KIF21A: variants seen among roughly 807,000 people sequenced by gnomAD.
The protein encoded by KIF21A is kinesin-like protein KIF21A.
KIF21A carries 114 observed loss-of-function variants against 202.9 expected under a neutral mutation model. The ratio of observed to expected loss-of-function variants is 0.56; its 90% CI spans 0.48 to 0.66. The LOEUF (loss-of-function observed/expected upper bound fraction) is 0.66, where lower values mean the gene tolerates loss of function less well. KIF21A is among the 30% of genes least tolerant of loss of function. The probability of loss-of-function intolerance (pLI) is 0.00; values close to 1 mark genes in which losing one functional copy is unlikely to be tolerated. For synonymous variants in KIF21A, 667 were observed against 670.8 expected (o/e 0.99, Z 0.09); for missense variants, 1,677 against 1,994.9 (o/e 0.84, Z 3.04).
In KIF21A at chr12:39,307,723, T is replaced by A. The variant is rs374692248; in HGVS notation, c.4284A>T (p.Ser1428=). 2.0e-5 allele frequency: 32 copies of A among 1,613,842 alleles called. No homozygotes were observed. The South Asian group carries it at 3.4e-4, about 17-fold the overall frequency. The change falls in exon 34 of 38, where the codon TCA becomes TCT. Residue 1428 remains serine (S), a synonymous_variant. Coordinates refer to ENST00000361418, the MANE Select transcript of KIF21A (RefSeq NM_001173464.2). Reference sequence around the variant, plus strand: ...AAGCATCTCCAAGAGTAACTTGACCTGAAGACCTTAAGAGATACAAACAAA... The same window carrying A: ...AAGCATCTCCAAGAGTAACTTGACCAGAAGACCTTAAGAGATACAAACAAA... ...SAKCIRTLTS[S]GQVTLGDACS...
At chr12:39,385,577 A>G (rs570799555) in intron 1 of KIF21A, among the ~76,000 whole-genome samples, 27 of 152,332 alleles carry the variant, frequency 1.8e-4, no homozygotes, top group African/African-American at 6.0e-4. Flanking sequence ...ATATTTATAG[A>G]ATGTGTATAC....
intron 10 of KIF21A, among the ~76,000 whole-genome samples, chr12:39,354,332 G>A (rs1266943641): frequency 6.6e-6 from 1 of 151,972 alleles, no homozygotes; most frequent in Non-Finnish European, 1.5e-5. Context: ...AGAATAGATA[G>A]CAAAACAAAA....
chr12:39,351,928 T>C lies in KIF21A; in HGVS notation c.1522A>G (p.Thr508Ala), dbSNP rs1948417443. 6.2e-6 allele frequency: 10 copies of C among 1,613,410 alleles called. No individual in the cohort carries two copies. The African/African-American group carries it at 6.7e-5, about 11-fold the overall frequency. ...AVNENLRKNL[T>A]RATARAPYFS... is the part of the protein sequence containing the mutation. ...TATGGCGCTCTTGCTGTGGCTCTTG[T>C]CAAGTTTTTTCGAAGGTTCTCATTC... The change falls in exon 11 of 38, where the codon ACA becomes GCA. Residue 508 changes from threonine (T) to alanine (A), a missense_variant. By Grantham distance (58) the Thr-to-Ala change is moderately conservative. Around this residue, in one of 3 missense-constraint regions of KIF21A, gnomAD observed 966 missense variants for 1,180.9 expected, o/e 0.82. Transcript: ENST00000361418.
intron 31 of KIF21A, 98 bp from the exon 32 acceptor site, chr12:39,311,651 T>C: frequency 1.7e-6 from 2 of 1,177,272 alleles, no homozygotes; most frequent in South Asian, 2.6e-5. Context: ...CTTTAAGAAG[T>C]CTTTATAAGT....
chr12:39,330,555 C>T (rs550403990), intron 23 of KIF21A, among the ~76,000 whole-genome samples, 191 bp downstream of exon 23: 48 of 152,262 alleles, frequency 3.2e-4, no homozygotes, highest in African/African-American at 1.1e-3. Context: ...AGTTGGTAAC[C>T]ATTTCTTGGA....
chr12:39,361,156 A>G (rs967053412), intron 7 of KIF21A, among the ~76,000 whole-genome samples: 23 of 152,254 alleles, frequency 1.5e-4, no homozygotes, highest in African/African-American at 4.8e-4. Context: ...CTTATAAGGT[A>G]AGCAAACTTT....
At chr12:39,354,421 T>C (rs1296411835) in intron 10 of KIF21A, among the ~76,000 whole-genome samples, 1 of 152,154 alleles carries the variant, frequency 6.6e-6, no homozygotes, top group Non-Finnish European at 1.5e-5. Context: ...TAACATCAGT[T>C]CTTAGAATAA....
At chr12:39,383,089 G>A (rs947135376) in intron 1 of KIF21A, among the ~76,000 whole-genome samples, 13 of 152,198 alleles carry the variant, frequency 8.5e-5, no homozygotes, top group Non-Finnish European at 4.4e-5. Flanking sequence ...AGGAAAGCTG[G>A]CTTGCTCTTC....
Position 39,330,223 on chromosome 12 carries a change from G to C in KIF21A, c.3340+19C>G. ...AATTCATGCAGCTGTAGGATACACA[G>C]AAAGCTAAACATACTTACCTAATGG... On this transcript the variant is annotated intron_variant, in intron 24 of 37. Transcript: ENST00000361418. 6.2e-7 allele frequency: 1 copy of C among 1,606,364 alleles called. No homozygotes were observed. The highest frequency in any genetic ancestry group is 8.5e-7 in the Non-Finnish European group (1 of 1,173,162).
rs74771809 is a variant in KIF21A at position 39,426,412 on chromosome 12, T to C, written c.44+16515A>G. Among the ~76,000 whole-genome samples the C allele has an allele frequency of 1.1e-4, 17 of 152,148 alleles. No individual in the cohort carries two copies. The East Asian group carries it at 2.7e-3, about 24-fold the overall frequency. Reference sequence around the variant, plus strand: ...TTGCATTTAACATATGTGATGAAAATAGGAATAAATTCATGGAGAGGTATT... The same window carrying C: ...TTGCATTTAACATATGTGATGAAAACAGGAATAAATTCATGGAGAGGTATT... On this transcript the variant is annotated intron_variant, in intron 1 of 37. Transcript: ENST00000361418.
intron 32 of KIF21A, among the ~76,000 whole-genome samples, chr12:39,310,381 C>T (rs934970839): frequency 2.6e-5 from 4 of 151,902 alleles, no homozygotes; most frequent in Admixed American, 2.6e-4. Flanking sequence ...ACTCTCAATT[C>T]ATAAGTTCTA....
chr12:39,369,290 C>G (rs2139162661), intron 3 of KIF21A, among the ~76,000 whole-genome samples: 1 of 152,252 alleles, frequency 6.6e-6, no homozygotes, highest in East Asian at 1.9e-4. Flanking sequence ...GAAACCCCAT[C>G]TCTACTAAAA....
intron 1 of KIF21A, among the ~76,000 whole-genome samples, chr12:39,378,287 G>A (rs1566050839): frequency 6.6e-6 from 1 of 152,150 alleles, no homozygotes. Flanking sequence ...GAGGAAACCA[G>A]TATCATTCAC....
At chr12:39,433,976 C>T (rs1938320907) in intron 1 of KIF21A, among the ~76,000 whole-genome samples, 1 of 152,192 alleles carries the variant, frequency 6.6e-6, no homozygotes, top group African/African-American at 2.4e-5. Flanking sequence ...ATAGGTTGTA[C>T]ATCAAAGAAT....
chr12:39,432,450 T>C (rs1460435738), intron 1 of KIF21A, among the ~76,000 whole-genome samples: 1 of 152,142 alleles, frequency 6.6e-6, no homozygotes, highest in East Asian at 1.9e-4. Flanking sequence ...ATAGTTCCTA[T>C]AAAAATGAAA....
chr12:39,440,856 T>A (rs1345195454), intron 1 of KIF21A, among the ~76,000 whole-genome samples: 2 of 151,718 alleles, frequency 1.3e-5, no homozygotes, highest in Non-Finnish European at 2.9e-5. Context: ...TCTACAAAAA[T>A]GTATAAAAAT....
At chr12:39,316,110 T>C in intron 29 of KIF21A, 140 bp from the exon 30 acceptor site, 1 of 723,308 alleles carries the variant, frequency 1.4e-6, no homozygotes, top group East Asian at 2.5e-5. Flanking sequence ...CTTTTCTACT[T>C]GCACTGGATA....
intron 23 of KIF21A, 147 bp downstream of exon 23, chr12:39,330,599 G>T: frequency 1.3e-6 from 1 of 770,342 alleles, no homozygotes; most frequent in Non-Finnish European, 2.1e-6. Context: ...ATGTACACAT[G>T]CAAATTAAAG....
At chr12:39,330,217 T>C in intron 24 of KIF21A, 25 bp downstream of exon 24, 1 of 1,599,816 alleles carries the variant, frequency 6.3e-7, no homozygotes, top group Non-Finnish European at 8.6e-7. Context: ...AGCTGTAGGA[T>C]ACACAGAAAG....
Sources: allele counts gnomAD v4.1 joint callset (sites outside exome capture counted in the v4.1 genomes callset), GRCh38; gene constraint gnomAD v4.1.1; regional missense constraint gnomAD v4.1.1; transcripts MANE v1.5; gene names NCBI Gene and HGNC (gene_info 2026-07-23, HGNC 2026-07-21).